Variants in SCN9A observed in about 807,000 individuals in gnomAD.
The protein encoded by SCN9A is sodium voltage-gated channel alpha subunit 9.
Under a neutral mutation model 187.0 loss-of-function variants are expected in SCN9A, and 131 were observed. The observed-to-expected ratio is 0.70, with a 90% confidence interval of 0.61 to 0.81. The LOEUF is 0.81. Ranked by LOEUF, SCN9A falls within the 30% of genes least tolerant of loss-of-function variation. The pLI is 0.00. For synonymous variants in SCN9A, 809 were observed against 808.6 expected (o/e 1.00, Z -0.01); for missense variants, 2,252 against 2,396.6 (o/e 0.94, Z 1.26).
chr2:166,324,104 C>G (rs116037918), intron 1 of SCN9A, among the ~76,000 whole-genome samples: 2 of 151,666 alleles, frequency 1.3e-5, no homozygotes, highest in Non-Finnish European at 2.9e-5. Context: ...GAGCCTCTTA[C>G]CTGTAAATAA....
At chr2:166,306,925 C>T (rs762422181) in intron 3 of SCN9A, 31 bp downstream of exon 3, 1 of 1,242,782 alleles carries the variant, frequency 8.0e-7, no homozygotes, top group Non-Finnish European at 1.2e-6. Flanking sequence ...CCATAAAGTG[C>T]CACTGGATGT....
chr2:166,259,497 CAATT>C (rs1051819197), intron 17 of SCN9A, among the ~76,000 whole-genome samples: 3 of 151,654 alleles, frequency 2.0e-5, no homozygotes, highest in Non-Finnish European at 3.0e-5. Flanking sequence ...TAAAAACAAT[CAATT>C]AAACAGTTAC....
intron 17 of SCN9A, among the ~76,000 whole-genome samples, chr2:166,264,595 G>A (rs1696653467): frequency 3.9e-5 from 6 of 151,918 alleles, no homozygotes; most frequent in Admixed American, 3.9e-4. Context: ...AGGTTTTACT[G>A]TAAAATATTT....
At chr2:166,299,173 TATCAC>T (rs1698448785) in intron 7 of SCN9A, among the ~76,000 whole-genome samples, 1 of 151,554 alleles carries the variant, frequency 6.6e-6, no homozygotes, top group Admixed American at 6.6e-5. Flanking sequence ...ACTCATTCAT[TATCAC>T]TAGCAAAACA....
intron 26 of SCN9A, among the ~76,000 whole-genome samples, chr2:166,200,742 T>A (rs575941381): frequency 6.6e-6 from 1 of 152,214 alleles, no homozygotes; most frequent in South Asian, 2.1e-4. Flanking sequence ...ATCAAATGAT[T>A]CTCCAGCCTC....
intron 1 of SCN9A, among the ~76,000 whole-genome samples, chr2:166,356,626 A>G (rs1700156926): frequency 6.6e-6 from 1 of 152,220 alleles, no homozygotes; most frequent in African/African-American, 2.4e-5. Flanking sequence ...TCCCCTGTGG[A>G]CAACCACAGT....
At chr2:166,346,212 A>G (rs1699897492) in intron 1 of SCN9A, among the ~76,000 whole-genome samples, 1 of 152,198 alleles carries the variant, frequency 6.6e-6, no homozygotes, top group Non-Finnish European at 1.5e-5. Context: ...CAATTTCTCA[A>G]AAAGACCATA....
At position 166,240,315 on chromosome 2, in the gene SCN9A, A is replaced by G. The variant is rs570090269; in HGVS notation, c.3628-2048T>C. 1.1e-4 allele frequency among the ~76,000 whole-genome samples: 16 copies of G among 151,994 alleles called. No homozygotes were observed. In the South Asian group the frequency reaches 3.1e-3, roughly 30 times the overall value. On this transcript the variant is annotated intron_variant, in intron 19 of 26. Transcript: ENST00000642356. The stretch of plus-strand genomic sequence containing the variant: ...GAGGGTACATGTGAAGGTTTGTTAC[A>G]TAGGTAAACACGTGTCATGGGGGTT...
At chr2:166,292,201 C>T (rs1465376738) in intron 9 of SCN9A, among the ~76,000 whole-genome samples, 1 of 152,006 alleles carries the variant, frequency 6.6e-6, no homozygotes, top group Non-Finnish European at 1.5e-5. Context: ...TAAGAATCTA[C>T]AAGTAACTTA....
At chr2:166,260,987 A>C (rs1263418351) in intron 17 of SCN9A, among the ~76,000 whole-genome samples, 1 of 151,740 alleles carries the variant, frequency 6.6e-6, no homozygotes, top group Non-Finnish European at 1.5e-5. Context: ...ATTTTCATAT[A>C]TATTTTCTAA....
rs749482425 is a variant in SCN9A at position 166,280,370 on chromosome 2, G to A, written c.2330C>T (p.Ala777Val). Residue 777 changes from alanine (A) to valine (V), a missense_variant, in exon 14 of 27, where the codon GCT becomes GTT. Physicochemically the swap from Ala to Val is moderately conservative, Grantham distance 64 (BLOSUM62 0). This residue lies in a region of SCN9A where 1,013 missense variants were observed against 997.4 expected (regional missense o/e 1.02). Coordinates refer to ENST00000642356, the MANE Select transcript of SCN9A (RefSeq NM_001365536.1). Reference sequence around the variant, plus strand: ...TAAGAGACTTACCAAATTTCCTATAGCAAGTACATTTTTGAATTCCTCAGT... The same window carrying A: ...TAAGAGACTTACCAAATTTCCTATAACAAGTACATTTTTGAATTCCTCAGT... Reference protein sequence around the residue: ...PMTEEFKNVLAIGNLVFTGIF... With the variant: ...PMTEEFKNVLVIGNLVFTGIF... 6.4e-6 allele frequency: 10 copies of A among 1,562,992 alleles called. No individual in the cohort carries two copies. The highest frequency in any genetic ancestry group is 1.7e-4 in the Middle Eastern group (1 of 5,950).
At chr2:166,271,894 G>T in intron 17 of SCN9A, among the ~76,000 whole-genome samples, 1 of 152,088 alleles carries the variant, frequency 6.6e-6, no homozygotes, top group Admixed American at 6.6e-5. Context: ...GAGAGAGAGC[G>T]ATACTTTGCG....
intron 24 of SCN9A, among the ~76,000 whole-genome samples, chr2:166,208,301 T>A (rs1013545757): frequency 7.9e-5 from 12 of 152,222 alleles, no homozygotes; most frequent in Non-Finnish European, 1.8e-4. Context: ...TTCTTAATTC[T>A]TTAAGTAAAA....
intron 17 of SCN9A, among the ~76,000 whole-genome samples, chr2:166,259,566 C>A (rs569344434): frequency 8.6e-5 from 13 of 151,778 alleles, no homozygotes; most frequent in African/African-American, 2.7e-4. Context: ...TGTGCTAATG[C>A]AATGTTTTGC....
intron 18 of SCN9A, among the ~76,000 whole-genome samples, chr2:166,249,637 G>A (rs1009819721): frequency 6.6e-6 from 1 of 152,030 alleles, no homozygotes; most frequent in Non-Finnish European, 1.5e-5. Context: ...CCTCAGTTTG[G>A]AAGCAATGAA....
intron 17 of SCN9A, among the ~76,000 whole-genome samples, chr2:166,262,179 A>C (rs554374432): frequency 2.9e-4 from 44 of 152,112 alleles, no homozygotes; most frequent in African/African-American, 1.0e-3. Flanking sequence ...AATTTGGTCT[A>C]GATGAGTTTG....
At chr2:166,351,432 G>A (rs1700030825) in intron 1 of SCN9A, among the ~76,000 whole-genome samples, 1 of 152,184 alleles carries the variant, frequency 6.6e-6, no homozygotes, top group Admixed American at 6.5e-5. Flanking sequence ...CATGTGGTAA[G>A]GTTCTATTGC....
intron 2 of SCN9A, among the ~76,000 whole-genome samples, chr2:166,308,043 G>A (rs555444508): frequency 2.6e-4 from 40 of 152,234 alleles, no homozygotes; most frequent in Admixed American, 6.5e-5. Flanking sequence ...ATGCGGCAGC[G>A]TTCCCTCAAG....
intron 1 of SCN9A, among the ~76,000 whole-genome samples, chr2:166,356,086 ACAC>A: frequency 6.6e-6 from 1 of 152,034 alleles, no homozygotes; most frequent in Non-Finnish European, 1.5e-5. Context: ...GAGGTTTTTC[ACAC>A]AGTCCCTGGA....
Sources: gnomAD v4.1 joint callset for allele counts (sites outside exome capture counted in the v4.1 genomes callset) on GRCh38, gnomAD v4.1.1 for gene constraint, gnomAD v4.1.1 regional missense constraint, MANE v1.5 for transcripts, NCBI Gene and HGNC (gene_info 2026-07-23, HGNC 2026-07-21) for gene names.